ATG7: variants seen among roughly 807,000 people sequenced by gnomAD.
The protein encoded by ATG7 is autophagy related 7, also known as ubiquitin-like modifier-activating enzyme ATG7.
ATG7 carries 70 observed loss-of-function variants against 82.4 expected under a neutral mutation model. That is an observed-to-expected ratio of 0.85 (90% CI 0.70 to 1.04). The LOEUF is 1.04. Among genes scored for constraint, ATG7 ranks in the 50% least tolerant of loss-of-function variants. The pLI is 0.00. For missense variants in ATG7, 792 were observed against 864.3 expected (o/e 0.92, Z 1.05); for synonymous variants, 287 against 313.0 (o/e 0.92, Z 0.88).
chr3:11,314,862 C>A (rs1475917288), intron 8 of ATG7, among the ~76,000 whole-genome samples: 2 of 152,022 alleles, frequency 1.3e-5, no homozygotes, highest in Non-Finnish European at 2.9e-5. Flanking sequence ...TTGATTGAGC[C>A]CAGGAGGTCG....
At chr3:11,349,558 T>A (rs953523791) in intron 14 of ATG7, among the ~76,000 whole-genome samples, 2 of 152,088 alleles carry the variant, frequency 1.3e-5, no homozygotes, top group South Asian at 2.1e-4. Context: ...ATAATAATAA[T>A]AAATAATCCA....
chr3:11,311,890 G>A (rs1948732290), intron 7 of ATG7, among the ~76,000 whole-genome samples: 1 of 151,114 alleles, frequency 6.6e-6, no homozygotes. Context: ...TTTCTCATCT[G>A]TACACATGAT....
At chr3:11,346,832 T>A (rs1244087564) in intron 13 of ATG7, among the ~76,000 whole-genome samples, 3 of 152,248 alleles carry the variant, frequency 2.0e-5, no homozygotes, top group Non-Finnish European at 2.9e-5. Flanking sequence ...ACCAGTGGGC[T>A]TCAAAACAGT....
intron 20 of ATG7, among the ~76,000 whole-genome samples, chr3:11,503,440 AAACAAAAAATGCTATT>A (rs962323747): frequency 1.3e-4 from 20 of 152,246 alleles, no homozygotes; most frequent in African/African-American, 4.3e-4. Flanking sequence ...TACATTCATG[AAACAAAAAATGCTATT>A]AACAAAAAAA....
At chr3:11,373,476 C>A (rs1443761617) in intron 18 of ATG7, among the ~76,000 whole-genome samples, 1 of 152,158 alleles carries the variant, frequency 6.6e-6, no homozygotes, top group Non-Finnish European at 1.5e-5. Flanking sequence ...TGATGGGAAC[C>A]ACCTGGAGCT....
chr3:11,298,762 G>A lies in ATG7; in HGVS notation c.67G>A (p.Asp23Asn). 6.2e-7 allele frequency: 1 copy of A among 1,614,208 alleles called. No homozygotes were observed. Among genetic ancestry groups the A allele is most frequent in the Non-Finnish European group, 8.5e-7 (1 of 1,180,024 alleles). ...LQFAPFSSAL[D>N]VGFWHELTQK... ...GTTTGCCCCTTTTAGTAGTGCCTTG[G>A]ATGTTGGGTTTTGGCATGAGTTGAC... is the stretch of plus-strand genomic sequence containing the variant. Residue 23 changes from aspartate (D) to asparagine (N), a missense_variant, in exon 4 of 21, where the codon GAT becomes AAT. Asp to Asn is a conservative substitution (Grantham distance 23). Coordinates refer to ENST00000693202, the MANE Select transcript of ATG7 (RefSeq NM_001349232.2).
intron 3 of ATG7, among the ~76,000 whole-genome samples, chr3:11,287,654 G>A (rs1043930207): frequency 1.3e-5 from 2 of 152,212 alleles, no homozygotes; most frequent in Non-Finnish European, 2.9e-5. Flanking sequence ...AATGAGCTTC[G>A]TCTTGGCTTA....
At chr3:11,395,797 G>C (rs867179701) in intron 19 of ATG7, among the ~76,000 whole-genome samples, 1 of 151,868 alleles carries the variant, frequency 6.6e-6, no homozygotes, top group Non-Finnish European at 1.5e-5. Context: ...AAAATTAGCC[G>C]GGCGTGGTGG....
chr3:11,558,899 T>TC (rs2072693946), downstream of ATG7: 86 of 1,547,136 alleles, frequency 5.6e-5, 3 homozygotes, highest in South Asian at 9.2e-4. Context: ...TGCAGCACCC[T>TC]CCCTCAGGCA....
In ATG7 at chr3:11,549,755, A is replaced by G. The variant is rs562960339; in HGVS notation, c.2080-5056A>G. On this transcript the variant is annotated intron_variant, in intron 20 of 20. Coordinates refer to ENST00000693202, the MANE Select transcript of ATG7 (RefSeq NM_001349232.2). ...TTTTCGTTTCTTTGGAGTAAACAGG[A>G]GTGGAATGGCTGGATCACATGGTGA... Among the ~76,000 whole-genome samples the G allele has an allele frequency of 2.0e-5, 3 of 152,282 alleles. No homozygotes were observed. In the East Asian group the frequency reaches 5.8e-4, roughly 29 times the overall value.
intron 3 of ATG7, among the ~76,000 whole-genome samples, chr3:11,295,753 G>A (rs1406811313): frequency 6.7e-6 from 1 of 148,162 alleles, no homozygotes; most frequent in Non-Finnish European, 1.5e-5. Flanking sequence ...TTGTTTTACT[G>A]GTTCTATTTC....
intron 19 of ATG7, among the ~76,000 whole-genome samples, chr3:11,391,116 A>G (rs1484345424): frequency 6.6e-6 from 1 of 152,150 alleles, no homozygotes; most frequent in Admixed American, 6.5e-5. Context: ...CCTTTCCTGA[A>G]TATACTCATT....
intron 20 of ATG7, among the ~76,000 whole-genome samples, chr3:11,518,436 A>G (rs1342450568): frequency 6.6e-6 from 1 of 152,126 alleles, no homozygotes; most frequent in African/African-American, 2.4e-5. Flanking sequence ...AGTCCCAGCT[A>G]CTTGGGAGGC....
chr3:11,350,923 C>CA (rs10709080), intron 14 of ATG7, among the ~76,000 whole-genome samples: 2,930 of 57,398 alleles, frequency 0.051, 52 homozygotes, highest in Non-Finnish European at 0.063. Flanking sequence ...GACCCTAGCC[C>CA]AAAAAAAAAA....
At chr3:11,425,138 T>G (rs1315308700) in intron 19 of ATG7, among the ~76,000 whole-genome samples, 6 of 152,028 alleles carry the variant, frequency 3.9e-5, no homozygotes, top group Non-Finnish European at 8.8e-5. Context: ...AATTTTTAAG[T>G]TTTTTTGTGG....
rs754164126 is a variant in ATG7 at position 11,309,008 on chromosome 3, A to G, written c.358A>G (p.Thr120Ala). Residue 120 changes from threonine to alanine, a missense_variant, in exon 7 of 21, where the codon ACT becomes GCT. By Grantham distance (58) the Thr-to-Ala change is moderately conservative. Coordinates refer to ENST00000693202, the MANE Select transcript of ATG7 (RefSeq NM_001349232.2). ...NEIWESIKSG[T>A]ALENPVLLNK... ...GATATGGGAATCCATAAAATCAGGCACTGCTCTTGAAAACCCTGTACTCCT... is the reference window on the plus strand; with the variant it reads ...GATATGGGAATCCATAAAATCAGGCGCTGCTCTTGAAAACCCTGTACTCCT... 30 of 1,613,900 alleles carry G rather than the reference A, an allele frequency of 1.9e-5. No homozygotes were observed. The highest frequency in any genetic ancestry group is 2.3e-5 in the Non-Finnish European group (27 of 1,179,890).
intron 19 of ATG7, among the ~76,000 whole-genome samples, chr3:11,401,417 C>G (rs1454310340): frequency 6.6e-6 from 1 of 152,136 alleles, no homozygotes; most frequent in Non-Finnish European, 1.5e-5. Flanking sequence ...AAAAAGATGA[C>G]CGAGAATAGA....
intron 20 of ATG7, among the ~76,000 whole-genome samples, chr3:11,466,483 T>C (rs1285536739): frequency 1.3e-5 from 2 of 152,174 alleles, no homozygotes; most frequent in Non-Finnish European, 2.9e-5. Context: ...CTGCCTTGTC[T>C]CCCAGTGGGA....
rs549407533 is a variant in ATG7 at position 11,372,269 on chromosome 3, G to A, written c.1875+7535G>A. Among the ~76,000 whole-genome samples, 6 of 151,182 alleles carry A rather than the reference G, an allele frequency of 4.0e-5. 1 individual carries two copies. Among genetic ancestry groups the A allele is most frequent in the African/African-American group, 1.5e-4 (6 of 41,064 alleles). On this transcript the variant is annotated intron_variant, in intron 18 of 20. Transcript: ENST00000693202. ...TGGGTTTTTTAATATTCAGGGAGTA[G>A]CAAAGATACAAATATTGTAGAGCTA...
Sources: gnomAD v4.1 joint callset for allele counts (sites outside exome capture counted in the v4.1 genomes callset) on GRCh38, gnomAD v4.1.1 for gene constraint, MANE v1.5 for transcripts, NCBI Gene and HGNC (gene_info 2026-07-23, HGNC 2026-07-21) for gene names.